The following MAP7 variants were observed in gnomAD, a reference collection of about 807,000 sequenced individuals.
MAP7 encodes the protein microtubule associated protein 7.
In MAP7, 52 loss-of-function variants were observed where a neutral mutation model predicts 94.8. The observed-to-expected ratio is 0.55, with a 90% CI of 0.44 to 0.69. MAP7 has a LOEUF of 0.69. MAP7 is among the 30% of genes least tolerant of loss of function. The probability of loss-of-function intolerance (pLI) is 0.00; values close to 1 mark genes in which losing one functional copy is unlikely to be tolerated. For missense variants in MAP7, 940 were observed against 964.6 expected, an observed-to-expected ratio of 0.97 and a Z score of 0.34; for synonymous variants, 350 against 357.0, an observed-to-expected ratio of 0.98 and a Z score of 0.22.
intron 1 of MAP7, among the ~76,000 whole-genome samples, chr6:136,480,440 A>G (rs1013820061): frequency 8.5e-5 from 13 of 152,108 alleles, no homozygotes; most frequent in African/African-American, 2.2e-4. Context: ...CAGGAGATCA[A>G]GACCATCCTG....
chr6:136,535,896 C>T (rs1828844441), intron 1 of MAP7, among the ~76,000 whole-genome samples: 2 of 151,912 alleles, frequency 1.3e-5, no homozygotes, highest in Admixed American at 1.3e-4. Context: ...TCCCTCCCCG[C>T]TCCCCCCACC....
At chr6:136,422,423 T>TAA (rs200822830) in intron 1 of MAP7, among the ~76,000 whole-genome samples, 1 of 151,968 alleles carries the variant, frequency 6.6e-6, no homozygotes, top group Admixed American at 6.6e-5. Flanking sequence ...AAATTCAAAT[T>TAA]AAAAAAAATC....
intron 3 of MAP7, among the ~76,000 whole-genome samples, chr6:136,404,398 A>G (rs74631200): frequency 1.4e-5 from 2 of 142,284 alleles, no homozygotes; most frequent in Admixed American, 7.1e-5. Flanking sequence ...ATTATCTAGG[A>G]AAAAAAAAAA....
At chr6:136,360,673 G>A (rs1792375335) in intron 13 of MAP7, 24 bp downstream of exon 13, 2 of 1,607,600 alleles carry the variant, frequency 1.2e-6, no homozygotes, top group South Asian at 1.1e-5. Context: ...CGCGTCCCGG[G>A]CCTCTCTACT....
At chr6:136,415,452 AAAG>A (rs1281206394) in intron 2 of MAP7, among the ~76,000 whole-genome samples, 1 of 152,198 alleles carries the variant, frequency 6.6e-6, no homozygotes, top group Non-Finnish European at 1.5e-5. Context: ...AAAATTTTGA[AAAG>A]AAGGCTTTAA....
At chr6:136,525,131 G>T (rs941537385) in intron 1 of MAP7, among the ~76,000 whole-genome samples, 1 of 152,190 alleles carries the variant, frequency 6.6e-6, no homozygotes, top group African/African-American at 2.4e-5. Context: ...CTCTCAAGAA[G>T]CTGGTAAGCT....
At chr6:136,527,480 GCAAGTA>G (rs1828073989) in intron 1 of MAP7, among the ~76,000 whole-genome samples, 1 of 152,244 alleles carries the variant, frequency 6.6e-6, no homozygotes, top group South Asian at 2.1e-4. Flanking sequence ...GGAGTCTAAG[GCAAGTA>G]CAATATCCTC....
intron 1 of MAP7, among the ~76,000 whole-genome samples, chr6:136,515,685 T>C (rs1475799691): frequency 3.3e-5 from 5 of 152,190 alleles, no homozygotes; most frequent in Admixed American, 1.3e-4. Context: ...ACAATATTTG[T>C]TAAGTTTGCT....
intron 2 of MAP7, among the ~76,000 whole-genome samples, chr6:136,418,590 T>C (rs1790273705): frequency 6.6e-6 from 1 of 152,234 alleles, no homozygotes; most frequent in Admixed American, 6.5e-5. Flanking sequence ...AGAGATGTTC[T>C]GGAGCCTTCT....
chr6:136,388,587 G>T, intron 4 of MAP7, 77 bp from the exon 5 acceptor site: 2 of 1,115,666 alleles, frequency 1.8e-6, no homozygotes, highest in Non-Finnish European at 2.7e-6. Context: ...GCAGAATGGA[G>T]TGAGGAGTAC....
At chr6:136,436,381 ATT>A (rs67758451) in intron 1 of MAP7, among the ~76,000 whole-genome samples, 16 of 144,432 alleles carry the variant, frequency 1.1e-4, no homozygotes, top group African/African-American at 2.8e-4. Context: ...CTAAAAGATG[ATT>A]TTTTTTTTTT....
intron 1 of MAP7, among the ~76,000 whole-genome samples, chr6:136,512,815 G>A (rs929377327): frequency 2.0e-5 from 3 of 151,866 alleles, no homozygotes; most frequent in Non-Finnish European, 4.4e-5. Context: ...TGAAGGCTGG[G>A]GTGCTGCGGC....
intron 3 of MAP7, among the ~76,000 whole-genome samples, chr6:136,403,713 AAAAT>A (rs1784807207): frequency 6.6e-6 from 1 of 152,198 alleles, no homozygotes; most frequent in African/African-American, 2.4e-5. Flanking sequence ...TGGGGAGAAA[AAAAT>A]AATGGCTGCT....
At chr6:136,512,832 T>C (rs1286903851) in intron 1 of MAP7, among the ~76,000 whole-genome samples, 3 of 151,180 alleles carry the variant, frequency 2.0e-5, no homozygotes, top group Non-Finnish European at 4.4e-5. Context: ...CGGCAATTTC[T>C]TCCCTTTTTT....
chr6:136,472,263 T>G (rs1252859713), intron 1 of MAP7, among the ~76,000 whole-genome samples: 1 of 152,170 alleles, frequency 6.6e-6, no homozygotes, highest in Non-Finnish European at 1.5e-5. Flanking sequence ...TCAGAGAGGA[T>G]TTCACTGATA....
intron 1 of MAP7, among the ~76,000 whole-genome samples, chr6:136,469,466 C>T (rs1008959975): frequency 1.3e-5 from 2 of 152,120 alleles, no homozygotes; most frequent in Non-Finnish European, 2.9e-5. Context: ...ACTGCAACCT[C>T]TGCCTCCTGG....
intron 3 of MAP7, among the ~76,000 whole-genome samples, chr6:136,399,564 G>C (rs564411161): frequency 1.3e-5 from 2 of 151,996 alleles, no homozygotes; most frequent in East Asian, 1.9e-4. Flanking sequence ...GTGTTGTCCA[G>C]GCTGGCCTCA....
intron 1 of MAP7, among the ~76,000 whole-genome samples, chr6:136,549,008 C>T (rs915806207): frequency 6.6e-6 from 1 of 152,160 alleles, no homozygotes; most frequent in Non-Finnish European, 1.5e-5. Flanking sequence ...AGACAAACTC[C>T]CTACAGGAAG....
intron 1 of MAP7, among the ~76,000 whole-genome samples, chr6:136,445,216 T>C (rs1467150861): frequency 1.3e-5 from 2 of 152,140 alleles, no homozygotes; most frequent in African/African-American, 4.8e-5. Context: ...AAAAATTCCT[T>C]TGAGGACGGC....
Sources: gnomAD v4.1 joint callset for allele counts (sites outside exome capture counted in the v4.1 genomes callset) on GRCh38, gnomAD v4.1.1 for gene constraint, MANE v1.5 for transcripts, NCBI Gene and HGNC (gene_info 2026-07-23, HGNC 2026-07-21) for gene names.